GAPVD1: variants seen among roughly 807,000 people sequenced by gnomAD.
GAPVD1 encodes the protein GTPase-activating protein and VPS9 domain-containing protein 1.
A neutral mutation model predicts 155.5 loss-of-function variants in GAPVD1; 35 were observed. That is an observed-to-expected ratio of 0.23 (90% CI 0.17 to 0.30). The LOEUF is 0.30. Among genes scored for constraint, GAPVD1 ranks in the 10% least tolerant of loss-of-function variants. The pLI, the probability that GAPVD1 is intolerant of heterozygous loss-of-function variation, is 1.00. For synonymous variants in GAPVD1, 636 were observed against 619.7 expected (o/e 1.03, Z -0.39); for missense variants, 1,429 against 1,775.7 (o/e 0.80, Z 3.51).
chr9:125,270,965 A>G (rs917662215), intron 2 of GAPVD1, among the ~76,000 whole-genome samples: 1 of 152,178 alleles, frequency 6.6e-6, no homozygotes, highest in Non-Finnish European at 1.5e-5. Context: ...ATAAAAAAGA[A>G]TGGTTGAGTG....
chr9:125,353,900 A>T (rs1257171254), intron 23 of GAPVD1, among the ~76,000 whole-genome samples: 1 of 152,222 alleles, frequency 6.6e-6, no homozygotes, highest in Non-Finnish European at 1.5e-5. Flanking sequence ...TTTACTCTGG[A>T]AATGTAGTTA....
chr9:125,325,583 A>G (rs1291106997), intron 11 of GAPVD1, among the ~76,000 whole-genome samples: 2 of 151,928 alleles, frequency 1.3e-5, no homozygotes, highest in African/African-American at 4.8e-5. Context: ...TTTAGCATGC[A>G]TAAGAATTAC....
intron 2 of GAPVD1, among the ~76,000 whole-genome samples, chr9:125,288,085 T>C (rs1288822051): frequency 1.3e-5 from 2 of 151,844 alleles, no homozygotes; most frequent in African/African-American, 4.8e-5. Flanking sequence ...TTTTAATGTT[T>C]TTGGTGCAGT....
chr9:125,334,361 C>CAT (rs1846559076), intron 15 of GAPVD1, among the ~76,000 whole-genome samples: 2 of 150,172 alleles, frequency 1.3e-5, no homozygotes, highest in African/African-American at 4.9e-5. Context: ...CTTGAGTATA[C>CAT]ACCTTTTTAA....
chr9:125,264,947 G>A (rs902343655), intron 1 of GAPVD1, among the ~76,000 whole-genome samples: 2 of 152,056 alleles, frequency 1.3e-5, no homozygotes, highest in Non-Finnish European at 2.9e-5. Flanking sequence ...CGAACCTCCT[G>A]ACCTTAAGTG....
chr9:125,323,749 G>C, intron 10 of GAPVD1, 49 bp from the exon 11 acceptor site: 1 of 1,599,166 alleles, frequency 6.3e-7, no homozygotes, highest in Non-Finnish European at 8.6e-7. Flanking sequence ...TTGTGTGGTG[G>C]CTCATGACTG....
At chr9:125,360,042 G>C (rs1264052339) in intron 26 of GAPVD1, among the ~76,000 whole-genome samples, 2 of 152,022 alleles carry the variant, frequency 1.3e-5, no homozygotes, top group African/African-American at 4.8e-5. Flanking sequence ...ATTATCTTTA[G>C]TTTTTTGAAT....
At chr9:125,301,243 A>AT (rs1338538671) in intron 4 of GAPVD1, among the ~76,000 whole-genome samples, 2 of 151,628 alleles carry the variant, frequency 1.3e-5, no homozygotes, top group African/African-American at 2.4e-5. Context: ...TAATTTTCAT[A>AT]TTTTTTTGTA....
chr9:125,351,367 C>T (rs989197494), intron 23 of GAPVD1, among the ~76,000 whole-genome samples: 1 of 152,154 alleles, frequency 6.6e-6, no homozygotes, highest in Non-Finnish European at 1.5e-5. Flanking sequence ...CTTGCTTCTC[C>T]CAACTCATGT....
intron 2 of GAPVD1, among the ~76,000 whole-genome samples, chr9:125,281,080 GA>G (rs1021523021): frequency 4.6e-5 from 7 of 152,088 alleles, no homozygotes; most frequent in Non-Finnish European, 1.0e-4. Context: ...TGAACTGAAA[GA>G]AAAAATATTT....
chr9:125,315,609 C>A (rs1843308480), intron 9 of GAPVD1, among the ~76,000 whole-genome samples: 1 of 152,032 alleles, frequency 6.6e-6, no homozygotes, highest in African/African-American at 2.4e-5. Flanking sequence ...TTTCCCAGGG[C>A]CGAGGCAGCT....
chr9:125,345,204 A>G (rs969958611), intron 19 of GAPVD1, among the ~76,000 whole-genome samples: 1 of 148,294 alleles, frequency 6.7e-6, no homozygotes, highest in Non-Finnish European at 1.5e-5. Flanking sequence ...CTTTTGAGAC[A>G]GTATCTTGCC....
chr9:125,306,856 C>T (rs1021128309), intron 6 of GAPVD1, among the ~76,000 whole-genome samples: 1 of 152,172 alleles, frequency 6.6e-6, no homozygotes, highest in Non-Finnish European at 1.5e-5. Context: ...TGCAGTGGCT[C>T]ATGCTGGTAA....
Position 125,337,384 on chromosome 9 carries a change from G to T in GAPVD1, c.2670G>T (p.Arg890Ser), listed in dbSNP as rs757741243. ...TPAEMEAFKQ[R>S]HSYPERLVRS... ...CTGAAATGGAGGCATTCAAGCAAAG[G>T]CATTCTTACCCTGAGAGACTAGTTC... The change falls in exon 17 of 28, where the codon AGG becomes AGT. Residue 890 changes from arginine to serine, a missense_variant. Physicochemically the swap from Arg to Ser is moderately radical, Grantham distance 110. Transcript: ENST00000297933. 1.2e-6 allele frequency: 2 copies of T among 1,614,104 alleles called. No individual in the cohort carries two copies. The highest frequency in any genetic ancestry group is 1.1e-5 in the South Asian group (1 of 91,078).
At position 125,350,610 on chromosome 9, in the gene GAPVD1, A is replaced by G. The variant is rs1415340432; in HGVS notation, c.3410-103A>G. On this transcript the variant is annotated intron_variant, in intron 22 of 27. Coordinates refer to ENST00000297933, the MANE Select transcript of GAPVD1 (RefSeq NM_001282680.3). The stretch of plus-strand genomic sequence containing the variant: ...GGAGTGGCAATACAGCTTAGTTCTA[A>G]TGATACGTGACAAAGCAGAATTGAC... 4.1e-6 allele frequency: 3 copies of G among 738,044 alleles called. No homozygotes were observed. The African/African-American group carries it at 5.3e-5, about 13-fold the overall frequency. The allele number at this position is 738,044 out of a possible 1,614,324, so 45.7% of individuals were successfully genotyped here.
Position 125,302,703 on chromosome 9 carries a change from C to T in GAPVD1, c.906C>T (p.Val302=). 4 of 1,612,574 alleles carry T rather than the reference C, an allele frequency of 2.5e-6. No individual in the cohort carries two copies. Among genetic ancestry groups the T allele is most frequent in the Non-Finnish European group, 3.4e-6 (4 of 1,179,484 alleles). Residue 302 remains valine (V), a synonymous_variant, in exon 5 of 28, where the codon GTC becomes GTT. Transcript: ENST00000297933. ...SCVDRLEVGE[V]RAMCTDLLLA... is the part of the protein sequence containing the mutation. The stretch of plus-strand genomic sequence containing the variant: ...TAGATAGGCTGGAAGTTGGGGAGGT[C>T]AGGGCAATGTGTACTGATCTCCTGT...
At chr9:125,320,973 A>G (rs1268907109) in intron 9 of GAPVD1, among the ~76,000 whole-genome samples, 2 of 152,164 alleles carry the variant, frequency 1.3e-5, no homozygotes, top group African/African-American at 4.8e-5. Context: ...ACGTGACATG[A>G]CAACTGTTTT....
intron 19 of GAPVD1, chr9:125,346,351 A>G (rs1848520155): frequency 4.8e-6 from 1 of 208,476 alleles, no homozygotes; most frequent in Non-Finnish European, 9.8e-6. Context: ...AGAGAGATTC[A>G]TAAAGGAAGA....
intron 4 of GAPVD1, among the ~76,000 whole-genome samples, chr9:125,301,531 C>T (rs1189691599): frequency 6.6e-6 from 1 of 151,908 alleles, no homozygotes; most frequent in Admixed American, 6.6e-5. Context: ...TCACTGCAAC[C>T]TCTACCTTCT....
Sources: allele counts gnomAD v4.1 joint callset (sites outside exome capture counted in the v4.1 genomes callset), GRCh38; gene constraint gnomAD v4.1.1; transcripts MANE v1.5; gene names NCBI Gene and HGNC (gene_info 2026-07-23, HGNC 2026-07-21).